Variants in FGF5 observed in about 807,000 individuals in gnomAD.
FGF5 encodes the protein fibroblast growth factor 5.
In FGF5, 23 loss-of-function variants were observed where a neutral mutation model predicts 21.8. The ratio of observed to expected loss-of-function variants is 1.05; its 90% CI spans 0.76 to 1.49. The LOEUF (loss-of-function observed/expected upper bound fraction) is 1.49, where lower values mean the gene tolerates loss of function less well. Among genes scored for constraint, FGF5 ranks in the 40% most tolerant of loss-of-function variants. The pLI is 0.00. For missense variants in FGF5, 352 were observed against 332.9 expected (o/e 1.06, Z -0.45); for synonymous variants, 158 against 124.0 (o/e 1.27, Z -1.82).
chr4:80,286,581 C>T lies in FGF5; in HGVS notation c.716C>T (p.Pro239Leu), dbSNP rs1578299527. Residue 239 changes from proline to leucine, a missense_variant, in exon 3 of 3, where the codon CCA (proline) becomes CTA (leucine). Physicochemically the swap from Pro to Leu is moderately conservative, Grantham distance 98. Coordinates refer to ENST00000312465, the MANE Select transcript of FGF5 (RefSeq NM_004464.4). ...GTTACTGTTCCTGAAAAGAAAAAGC[C>T]ACCTAGCCCTATCAAGCCAAAGATT... ...FTVTVPEKKK[P>L]PSPIKPKIPL... 6.2e-7 allele frequency: 1 copy of T among 1,614,004 alleles called. No individual in the cohort carries two copies. The highest frequency in any genetic ancestry group is 1.1e-5 in the South Asian group (1 of 91,078).
At chr4:80,279,278 G>A (rs1322101176) in intron 2 of FGF5, among the ~76,000 whole-genome samples, 1 of 152,114 alleles carries the variant, frequency 6.6e-6, no homozygotes, top group African/African-American at 2.4e-5. Flanking sequence ...ACAATCTATT[G>A]GGATAGTTAA....
At chr4:80,270,845 A>G (rs1297547036) in intron 1 of FGF5, among the ~76,000 whole-genome samples, 1 of 152,240 alleles carries the variant, frequency 6.6e-6, no homozygotes, top group East Asian at 1.9e-4. Flanking sequence ...GCTTTTTAAA[A>G]AAATCTAAAT....
intron 1 of FGF5, among the ~76,000 whole-genome samples, chr4:80,272,567 A>C (rs913932000): frequency 1.3e-5 from 2 of 152,158 alleles, no homozygotes; most frequent in African/African-American, 4.8e-5. Context: ...TTTTATCTCA[A>C]CATCTTAAAA....
chr4:80,274,874 G>A, intron 1 of FGF5, 35 bp from the exon 2 acceptor site: 2 of 854,566 alleles, frequency 2.3e-6, no homozygotes, highest in Non-Finnish European at 4.0e-6. Context: ...ATAAATAAGA[G>A]CCTGTGTTTT....
In FGF5 at chr4:80,288,834, T is replaced by C. The variant is rs1431920809; in HGVS notation, c.*2162T>C. 6.6e-6 allele frequency: 1 copy of C among 152,636 alleles called. No individual in the cohort carries two copies. The highest frequency in any genetic ancestry group is 1.5e-5 in the Non-Finnish European group (1 of 68,042). The allele number at this position is 152,636 out of a possible 1,614,324, so 9.5% of individuals were successfully genotyped here. On this transcript the variant is annotated 3_prime_UTR_variant, in exon 3 of 3. Transcript: ENST00000312465. The stretch of plus-strand genomic sequence containing the variant: ...AATGTAATAGTTTATCTTATACTCC[T>C]GGTTTGATTTGATTAGCATATTAAC...
intron 1 of FGF5, among the ~76,000 whole-genome samples, chr4:80,273,330 T>C (rs1170820377): frequency 2.6e-5 from 4 of 152,158 alleles, no homozygotes; most frequent in African/African-American, 9.6e-5. Flanking sequence ...ATTTTTTAAA[T>C]AAGCTGTTCA....
At position 80,274,997 on chromosome 4, in the gene FGF5, A is replaced by G. The variant is rs550592165; in HGVS notation, c.444A>G (p.Gly148=). The G allele has an allele frequency of 2.0e-6, 3 of 1,537,832 alleles. No individual in the cohort carries two copies. The highest frequency in any genetic ancestry group is 2.3e-5 in the East Asian group (1 of 43,922). The change falls in exon 2 of 3, where the codon GGA becomes GGG. Residue 148 remains glycine (G), a synonymous_variant. Coordinates refer to ENST00000312465, the MANE Select transcript of FGF5 (RefSeq NM_004464.4). Reference sequence around the variant, plus strand: ...AATTTTTAGCGATGTCAAAAAAAGGAAAACTCCATGCAAGTGTAAGTAGAA... The same window carrying G: ...AATTTTTAGCGATGTCAAAAAAAGGGAAACTCCATGCAAGTGTAAGTAGAA... ...SNKFLAMSKK[G]KLHASAKFTD...
intron 2 of FGF5, among the ~76,000 whole-genome samples, chr4:80,278,995 C>T (rs1578295311): frequency 6.6e-6 from 1 of 152,218 alleles, no homozygotes; most frequent in East Asian, 1.9e-4. Flanking sequence ...GCTAAGATAC[C>T]TTCTGAGACT....
chr4:80,281,698 T>C (rs951745287), intron 2 of FGF5, among the ~76,000 whole-genome samples: 1 of 152,144 alleles, frequency 6.6e-6, no homozygotes, highest in Non-Finnish European at 1.5e-5. Context: ...TCATCATAGA[T>C]GGTGATATTT....
chr4:80,272,135 G>A (rs1224483196), intron 1 of FGF5, among the ~76,000 whole-genome samples: 3 of 152,152 alleles, frequency 2.0e-5, no homozygotes, highest in African/African-American at 7.2e-5. Context: ...TTACTCACGT[G>A]AAAAATAATT....
chr4:80,273,127 G>A (rs1229758598), intron 1 of FGF5, among the ~76,000 whole-genome samples: 2 of 151,148 alleles, frequency 1.3e-5, no homozygotes, highest in African/African-American at 4.9e-5. Context: ...ATTATAAATA[G>A]CATTTAAAAA....
intron 1 of FGF5, among the ~76,000 whole-genome samples, chr4:80,270,359 A>G (rs970005073): frequency 1.3e-5 from 2 of 148,294 alleles, no homozygotes; most frequent in African/African-American, 2.5e-5. Context: ...ATTATTTGAC[A>G]GTAAACTTTT....
chr4:80,278,978 T>A (rs1720486881), intron 2 of FGF5, among the ~76,000 whole-genome samples: 1 of 152,130 alleles, frequency 6.6e-6, no homozygotes, highest in Non-Finnish European at 1.5e-5. Flanking sequence ...TCTCAACACA[T>A]TCCCATGCTA....
rs898473554 is a variant in FGF5, at chr4:80,276,111, G to A, written c.459+1099G>A. On this transcript the variant is annotated intron_variant, in intron 2 of 2. Coordinates refer to ENST00000312465, the MANE Select transcript of FGF5 (RefSeq NM_004464.4). Reference sequence around the variant, plus strand: ...AGTGATTTGTTAATATCTTTTGGAAGAGACAGAATTTGAACAATTTCTATA... The same window carrying A: ...AGTGATTTGTTAATATCTTTTGGAAAAGACAGAATTTGAACAATTTCTATA... Among the ~76,000 whole-genome samples the A allele has an allele frequency of 5.0e-4, 76 of 152,062 alleles. 1 individual carries two copies. The highest frequency in any genetic ancestry group is 1.8e-3 in the African/African-American group (76 of 41,536).
At chr4:80,282,798 A>G (rs1201802295) in intron 2 of FGF5, among the ~76,000 whole-genome samples, 2 of 152,114 alleles carry the variant, frequency 1.3e-5, no homozygotes, top group African/African-American at 4.8e-5. Context: ...TTTTTTCTAG[A>G]AAAATAATGG....
intron 2 of FGF5, 33 bp downstream of exon 2, chr4:80,275,045 GC>G: frequency 2.3e-6 from 2 of 885,470 alleles, no homozygotes; most frequent in Non-Finnish European, 3.5e-6. Context: ...TGTTAAAGGT[GC>G]TATAAAGATT....
At chr4:80,284,936 T>C (rs954743530) in intron 2 of FGF5, among the ~76,000 whole-genome samples, 3 of 152,190 alleles carry the variant, frequency 2.0e-5, no homozygotes, top group African/African-American at 4.8e-5. Context: ...TATTTGGTAT[T>C]CTCAAACACG....
At position 80,267,037 on chromosome 4, in the gene FGF5, A is replaced by T. The variant is rs773753552; in HGVS notation, c.213A>T (p.Gly71=). Residue 71 remains glycine, a synonymous_variant, in exon 1 of 3, where the codon GGA becomes GGT. Transcript: ENST00000312465. ...SSPAASLGSQ[G]SGLEQSSFQW... is the part of the protein sequence containing the mutation. Reference sequence around the variant, plus strand: ...CCGCAGCTTCTCTGGGCAGCCAAGGAAGTGGCTTGGAGCAGAGCAGTTTCC... The same window carrying T: ...CCGCAGCTTCTCTGGGCAGCCAAGGTAGTGGCTTGGAGCAGAGCAGTTTCC... The T allele has an allele frequency of 2.5e-6, 4 of 1,614,116 alleles. No homozygotes were observed. Among genetic ancestry groups the T allele is most frequent in the Non-Finnish European group, 3.4e-6 (4 of 1,180,046 alleles).
At chr4:80,267,738 T>TAGAC (rs1450412572) in intron 1 of FGF5, among the ~76,000 whole-genome samples, 2 of 149,684 alleles carry the variant, frequency 1.3e-5, no homozygotes, top group Non-Finnish European at 3.0e-5. Flanking sequence ...CATAGGTAGA[T>TAGAC]AGATAGATAG....
Sources: gnomAD v4.1 joint callset for allele counts (sites outside exome capture counted in the v4.1 genomes callset) on GRCh38, gnomAD v4.1.1 for gene constraint, MANE v1.5 for transcripts, NCBI Gene and HGNC (gene_info 2026-07-23, HGNC 2026-07-21) for gene names.